The following IFT57 variants were observed in gnomAD, a reference collection of about 807,000 sequenced individuals.
The protein encoded by IFT57 is intraflagellar transport protein 57 homolog.
In IFT57, 59 loss-of-function variants were observed where a neutral mutation model predicts 56.8. The observed-to-expected ratio is 1.04, with a 90% CI of 0.84 to 1.29. The LOEUF is 1.29. Ranked by LOEUF, IFT57 falls within the 50% of genes most tolerant of loss-of-function variation. The probability of loss-of-function intolerance (pLI) is 0.00; values close to 1 mark genes in which losing one functional copy is unlikely to be tolerated. For synonymous variants in IFT57, 209 were observed against 186.1 expected, an observed-to-expected ratio of 1.12 and a Z score of -1.00; for missense variants, 470 against 522.1, an observed-to-expected ratio of 0.90 and a Z score of 0.97.
At position 108,222,113 on chromosome 3, in the gene IFT57, G is replaced by A; in HGVS notation, c.210C>T (p.Ser70=). The change falls in exon 1 of 11, where the codon TCC becomes TCT. Residue 70 remains serine, a splice_region_variant and synonymous_variant. Transcript: ENST00000264538. The part of the protein sequence containing the change: ...FLRKSNLKAP[S]RHYFALPTNP... Reference sequence around the variant, plus strand: ...CGCTCGGGGACGCCGGCACCCACCTGGACGGGGCCTTCAGGTTGCTCTTCC... The same window carrying A: ...CGCTCGGGGACGCCGGCACCCACCTAGACGGGGCCTTCAGGTTGCTCTTCC... 6.3e-7 allele frequency: 1 copy of A among 1,598,782 alleles called. No individual in the cohort carries two copies. Among genetic ancestry groups the A allele is most frequent in the Non-Finnish European group, 8.5e-7 (1 of 1,172,780 alleles).
intron 6 of IFT57, among the ~76,000 whole-genome samples, chr3:108,168,209 T>C (rs1169231140): frequency 1.3e-5 from 2 of 151,956 alleles, no homozygotes; most frequent in Non-Finnish European, 2.9e-5. Context: ...AACAATTATG[T>C]TTGCCAAAAG....
intron 6 of IFT57, among the ~76,000 whole-genome samples, chr3:108,190,897 A>G (rs1319224294): frequency 2.6e-5 from 4 of 152,142 alleles, no homozygotes; most frequent in Admixed American, 2.0e-4. Flanking sequence ...GGTTCAAACG[A>G]TTCTCCTGCC....
rs575617843 is a variant in IFT57, at chr3:108,211,146, T to TG, written c.585+2784dup. The stretch of plus-strand genomic sequence containing the variant: ...AAAAATTACACATGGTTTCTGCGCT[T>TG]GCAGATATTTTCCTCCTGACTAGTG... On this transcript the variant is annotated intron_variant, in intron 4 of 10. Coordinates refer to ENST00000264538, the MANE Select transcript of IFT57 (RefSeq NM_018010.4). Among the ~76,000 whole-genome samples, 38 of 152,352 alleles carry TG rather than the reference T, an allele frequency of 2.5e-4. No homozygotes were observed. In the East Asian group the frequency reaches 6.7e-3, roughly 27 times the overall value.
At chr3:108,183,774 A>G (rs2080164439) in intron 6 of IFT57, among the ~76,000 whole-genome samples, 1 of 152,168 alleles carries the variant, frequency 6.6e-6, no homozygotes, top group South Asian at 2.1e-4. Context: ...GTAAAAACTC[A>G]AAAAGAATAT....
intron 8 of IFT57, 93 bp from the exon 9 acceptor site, chr3:108,165,586 AT>A: frequency 1.1e-6 from 1 of 898,740 alleles, no homozygotes; most frequent in Non-Finnish European, 1.9e-6. Context: ...TCTGCAGGTC[AT>A]TTTATGACAA....
At chr3:108,218,017 A>ATAATT (rs2080382689) in intron 3 of IFT57, among the ~76,000 whole-genome samples, 1 of 151,642 alleles carries the variant, frequency 6.6e-6, no homozygotes, top group East Asian at 1.9e-4. Context: ...ATAATATAAT[A>ATAATT]ATAGAAATAA....
chr3:108,166,469 CTT>C (rs10570112), intron 8 of IFT57, among the ~76,000 whole-genome samples: 68,812 of 151,844 alleles, frequency 0.45, 16,033 homozygotes, highest in Middle Eastern at 0.55. Context: ...CAAGGACTGT[CTT>C]TTTCCTTTGA....
At chr3:108,166,049 A>G (rs2080060856) in intron 8 of IFT57, among the ~76,000 whole-genome samples, 1 of 152,118 alleles carries the variant, frequency 6.6e-6, no homozygotes, top group Non-Finnish European at 1.5e-5. Context: ...AATTGTGTAT[A>G]TGAAGGAATA....
intron 5 of IFT57, among the ~76,000 whole-genome samples, chr3:108,199,521 G>A (rs184931922): frequency 1.3e-5 from 2 of 152,192 alleles, no homozygotes; most frequent in East Asian, 1.9e-4. Flanking sequence ...TGAATACTGG[G>A]GAGGAAAAAA....
chr3:108,207,312 G>A (rs1453517191), intron 4 of IFT57, among the ~76,000 whole-genome samples: 1 of 152,156 alleles, frequency 6.6e-6, no homozygotes, highest in Admixed American at 6.6e-5. Context: ...GAGGGCAGGG[G>A]TAGAAAGTGA....
intron 5 of IFT57, among the ~76,000 whole-genome samples, chr3:108,193,410 C>T (rs1282685492): frequency 1.3e-5 from 2 of 152,180 alleles, no homozygotes; most frequent in Non-Finnish European, 2.9e-5. Flanking sequence ...CTATATATTT[C>T]TAACTTCACC....
intron 5 of IFT57, among the ~76,000 whole-genome samples, chr3:108,203,282 T>A (rs1004924086): frequency 6.6e-6 from 1 of 152,238 alleles, no homozygotes; most frequent in Non-Finnish European, 1.5e-5. Context: ...TCCTTTCACA[T>A]GTGTCTATTT....
intron 6 of IFT57, among the ~76,000 whole-genome samples, chr3:108,188,007 T>C (rs113127923): frequency 6.7e-6 from 1 of 149,116 alleles, no homozygotes; most frequent in African/African-American, 2.5e-5. Context: ...GTTACGTATG[T>C]AGCATGTGCC....
intron 10 of IFT57, 99 bp downstream of exon 10, chr3:108,163,564 T>C (rs1055525002): frequency 9.3e-6 from 7 of 755,136 alleles, no homozygotes; most frequent in Non-Finnish European, 1.6e-5. Flanking sequence ...AAGCAACAAA[T>C]AATTTGTTTT....
At chr3:108,214,405 T>C (rs917479155) in intron 3 of IFT57, among the ~76,000 whole-genome samples, 5 of 152,150 alleles carry the variant, frequency 3.3e-5, no homozygotes, top group African/African-American at 7.2e-5. Flanking sequence ...ATTATTTTGC[T>C]GGACAATATT....
intron 6 of IFT57, among the ~76,000 whole-genome samples, chr3:108,173,114 T>C (rs1483611415): frequency 1.3e-5 from 2 of 151,804 alleles, no homozygotes; most frequent in Non-Finnish European, 2.9e-5. Context: ...AAACTAAATA[T>C]CTAACAGCAA....
Position 108,162,666 on chromosome 3 carries a change from A to G in IFT57, c.1112-11T>C. The G allele has an allele frequency of 6.4e-7, 1 of 1,569,910 alleles. No individual in the cohort carries two copies. The highest frequency in any genetic ancestry group is 8.7e-7 in the Non-Finnish European group (1 of 1,154,192). On this transcript the variant is annotated splice_polypyrimidine_tract_variant and intron_variant, in intron 10 of 10. Coordinates refer to ENST00000264538, the MANE Select transcript of IFT57 (RefSeq NM_018010.4). ...TCTTCACCAAAGGAGCTGCAGAATG[A>G]AAATAACATGAAATAAAAATGTTCA...
intron 6 of IFT57, among the ~76,000 whole-genome samples, chr3:108,181,689 A>G (rs1000718479): frequency 2.6e-5 from 4 of 152,116 alleles, no homozygotes; most frequent in Non-Finnish European, 5.9e-5. Context: ...CAGCATGTAC[A>G]TTTATGGCCT....
chr3:108,219,617 A>C, intron 1 of IFT57, 45 bp from the exon 2 acceptor site: 1 of 1,579,986 alleles, frequency 6.3e-7, no homozygotes, highest in Non-Finnish European at 8.7e-7. Flanking sequence ...GAAATAATGC[A>C]AATAAGTCTA....
Sources: gnomAD v4.1 joint callset for allele counts (sites outside exome capture counted in the v4.1 genomes callset) on GRCh38, gnomAD v4.1.1 for gene constraint, MANE v1.5 for transcripts, NCBI Gene and HGNC (gene_info 2026-07-23, HGNC 2026-07-21) for gene names.